ITGA11: variants seen among roughly 807,000 people sequenced by gnomAD.
The protein encoded by ITGA11 is integrin alpha-11.
In ITGA11, 97 loss-of-function variants were observed where a neutral mutation model predicts 141.9. The ratio of observed to expected loss-of-function variants is 0.68; its 90% CI spans 0.58 to 0.81. ITGA11 has a LOEUF of 0.81. Ranked by LOEUF, ITGA11 falls within the 30% of genes least tolerant of loss-of-function variation. The pLI, the probability that ITGA11 is intolerant of heterozygous loss-of-function variation, is 0.00. For missense variants in ITGA11, 1,387 were observed against 1,559.2 expected (o/e 0.89, Z 1.86); for synonymous variants, 658 against 624.6 (o/e 1.05, Z -0.80).
rs571078046 is a variant in ITGA11 at position 68,297,971 on chromosome 15, T to C, written c.*5088A>G. 1.9e-4 allele frequency: 29 copies of C among 152,314 alleles called. No individual in the cohort carries two copies. Among genetic ancestry groups the C allele is most frequent in the African/African-American group, 6.3e-4 (26 of 41,568 alleles). 9.4% of individuals were successfully genotyped at this position (152,314 alleles called of 1,614,324 possible). A position where few individuals can be genotyped will look rare whatever the true frequency, so the allele number is the denominator to read the frequency against. On this transcript the variant is annotated 3_prime_UTR_variant, in exon 30 of 30. Coordinates refer to ENST00000315757, the MANE Select transcript of ITGA11 (RefSeq NM_001004439.2). ...CCCACTGAACAGTGCTCTTTCACTG[T>C]GAGATGCCAGTACTAGGGAAGCTCA...
chr15:68,384,239 G>A (rs1258449698), intron 2 of ITGA11, among the ~76,000 whole-genome samples: 30 of 146,820 alleles, frequency 2.0e-4, no homozygotes, highest in Non-Finnish European at 3.9e-4. Context: ...TTCAATTTCT[G>A]GGACTTTCTT....
Position 68,308,100 on chromosome 15 carries a change from C to T in ITGA11, c.3175-404G>A, listed in dbSNP as rs964339028. Among the ~76,000 whole-genome samples, 2 of 152,174 alleles carry T rather than the reference C, an allele frequency of 1.3e-5. No individual in the cohort carries two copies. The highest frequency in any genetic ancestry group is 1.3e-4 in the Admixed American group (2 of 15,278). ...CATGATAAAAACTCCCAGGGAACTT[C>T]CTGAATCAGATAAAAGGGGTCTTCA... On this transcript the variant is annotated intron_variant, in intron 26 of 29. Transcript: ENST00000315757. The surrounding 1 kb of genome is among the most constrained non-coding windows in gnomAD (Gnocchi z 5.2).
chr15:68,418,300 CACTA>C (rs1482356621), intron 1 of ITGA11, among the ~76,000 whole-genome samples: 2 of 152,164 alleles, frequency 1.3e-5, no homozygotes, highest in African/African-American at 2.4e-5. Flanking sequence ...GCTTCTAAGA[CACTA>C]ACCTTCCAAT....
At chr15:68,388,407 G>C (rs139092513) in intron 2 of ITGA11, among the ~76,000 whole-genome samples, 2 of 151,940 alleles carry the variant, frequency 1.3e-5, no homozygotes, top group African/African-American at 4.8e-5. Flanking sequence ...CGGCATCCTA[G>C]ACAGCCTGTA....
intron 2 of ITGA11, among the ~76,000 whole-genome samples, chr15:68,382,008 C>A (rs531988667): frequency 1.1e-4 from 17 of 152,334 alleles, no homozygotes; most frequent in African/African-American, 3.8e-4. Flanking sequence ...GACACAGAAG[C>A]CGGCCTTGGG....
rs77858932 is a variant in ITGA11 at position 68,405,625 on chromosome 15, C to A, written c.53-2596G>T. Among the ~76,000 whole-genome samples, 516 of 152,224 alleles carry A rather than the reference C, an allele frequency of 3.4e-3. 8 individuals carry two copies. The East Asian group carries it at 0.057, about 17-fold the overall frequency. On this transcript the variant is annotated intron_variant, in intron 1 of 29. Transcript: ENST00000315757. ...AGCCTTGGAGAAGAGGACTCTGTTC[C>A]GGTGAGCACAGGGTCCTGAAGAACA...
At chr15:68,343,120 C>T (rs1197596130) in intron 10 of ITGA11, among the ~76,000 whole-genome samples, 1 of 152,022 alleles carries the variant, frequency 6.6e-6, no homozygotes, top group Admixed American at 6.6e-5. Context: ...ACTTGGCAGC[C>T]AGTGAGTACT....
Position 68,382,051 on chromosome 15 carries a change from C to T in ITGA11, c.165-12767G>A, listed in dbSNP as rs1022276302. The stretch of plus-strand genomic sequence containing the variant: ...AGGGAATCATTGTTTACATGGACTG[C>T]TTCGAAGTCTTTTCTGTCTGGTTCA... On this transcript the variant is annotated intron_variant, in intron 2 of 29. Coordinates refer to ENST00000315757, the MANE Select transcript of ITGA11 (RefSeq NM_001004439.2). 1.9e-4 allele frequency among the ~76,000 whole-genome samples: 29 copies of T among 152,320 alleles called. 1 individual carries two copies. Among genetic ancestry groups the T allele is most frequent in the Admixed American group, 1.8e-3 (28 of 15,306 alleles).
At chr15:68,390,281 C>T (rs1896086006) in intron 2 of ITGA11, among the ~76,000 whole-genome samples, 3 of 152,104 alleles carry the variant, frequency 2.0e-5, no homozygotes, top group African/African-American at 7.2e-5. Context: ...CCCTCTTATC[C>T]TCCAACTGTT....
At chr15:68,337,158 A>G (rs1894386941) in intron 11 of ITGA11, among the ~76,000 whole-genome samples, 1 of 152,032 alleles carries the variant, frequency 6.6e-6, no homozygotes, top group Non-Finnish European at 1.5e-5. Flanking sequence ...GCTTGGAAGG[A>G]GGGGCACTGA....
intron 10 of ITGA11, among the ~76,000 whole-genome samples, chr15:68,340,625 A>T (rs1374884954): frequency 6.6e-6 from 1 of 152,108 alleles, no homozygotes; most frequent in Non-Finnish European, 1.5e-5. Context: ...TCTACCCACC[A>T]GTTGCAGGAC....
intron 2 of ITGA11, among the ~76,000 whole-genome samples, chr15:68,401,619 A>G (rs905974802): frequency 1.3e-5 from 2 of 152,194 alleles, no homozygotes; most frequent in African/African-American, 4.8e-5. Flanking sequence ...CACCTATTGC[A>G]TGATTTCTCC....
chr15:68,379,493 T>C (rs1024446691), intron 2 of ITGA11, among the ~76,000 whole-genome samples: 1 of 152,244 alleles, frequency 6.6e-6, no homozygotes, highest in Non-Finnish European at 1.5e-5. Flanking sequence ...AATAGACAGA[T>C]AGAGGAAGCT....
intron 11 of ITGA11, among the ~76,000 whole-genome samples, chr15:68,337,488 C>T (rs550719260): frequency 2.6e-5 from 4 of 152,252 alleles, no homozygotes; most frequent in African/African-American, 9.6e-5. Flanking sequence ...GCAGAGAACC[C>T]AGACACTGCT....
At position 68,304,315 on chromosome 15, in the gene ITGA11, C is replaced by T. The variant is rs1239638918; in HGVS notation, c.3382-430G>A. Among the ~76,000 whole-genome samples, 1 of 152,150 alleles carries T rather than the reference C, an allele frequency of 6.6e-6. No individual in the cohort carries two copies. The highest frequency in any genetic ancestry group is 1.5e-5 in the Non-Finnish European group (1 of 68,022). On this transcript the variant is annotated intron_variant, in intron 28 of 29. Transcript: ENST00000315757. The surrounding 1 kb of genome is among the most constrained non-coding windows in gnomAD (Gnocchi z 6.1). ...ACTCAGGGCTGACTTTCCCACGAGT[C>T]ACAGTAGTCATGGTGCCAAGGCCCA...
chr15:68,360,746 A>G (rs1406954708), intron 5 of ITGA11, among the ~76,000 whole-genome samples: 1 of 152,080 alleles, frequency 6.6e-6, no homozygotes. Flanking sequence ...TGGCTCTGCC[A>G]TTTCCTCTGT....
At chr15:68,331,761 G>T in intron 14 of ITGA11, 98 bp downstream of exon 14, 1 of 1,074,054 alleles carries the variant, frequency 9.3e-7, no homozygotes. Flanking sequence ...AGAGGGCCTG[G>T]AAGAAAATCC....
At chr15:68,378,842 A>G (rs1895790954) in intron 2 of ITGA11, among the ~76,000 whole-genome samples, 1 of 152,100 alleles carries the variant, frequency 6.6e-6, no homozygotes, top group Admixed American at 6.5e-5. Context: ...ACAAACGTCA[A>G]CTTCATAATC....
At chr15:68,369,037 T>G (rs1895508876) in intron 3 of ITGA11, 147 bp downstream of exon 3, 2 of 636,052 alleles carry the variant, frequency 3.1e-6, no homozygotes, top group South Asian at 3.9e-5. Context: ...TCCTCATGTG[T>G]AAAGTGGGGG....
Sources: gnomAD v4.1 joint callset for allele counts (sites outside exome capture counted in the v4.1 genomes callset) on GRCh38, gnomAD v4.1.1 for gene constraint, Gnocchi (gnomAD v3.1) non-coding constraint, MANE v1.5 for transcripts, NCBI Gene and HGNC (gene_info 2026-07-23, HGNC 2026-07-21) for gene names.